SMC6: variants seen among roughly 807,000 people sequenced by gnomAD.
SMC6 encodes the protein structural maintenance of chromosomes 6, also known as structural maintenance of chromosomes protein 6.
A neutral mutation model predicts 142.2 loss-of-function variants in SMC6; 79 were observed. That is an observed-to-expected ratio of 0.56 (90% CI 0.46 to 0.67). The LOEUF (loss-of-function observed/expected upper bound fraction) is 0.67. Among genes scored for constraint, SMC6 ranks in the 30% least tolerant of loss-of-function variants. The probability of loss-of-function intolerance (pLI) is 0.00; values close to 1 mark genes in which losing one functional copy is unlikely to be tolerated. For missense variants in SMC6, 1,072 were observed against 1,284.0 expected (o/e 0.83, Z 2.52); for synonymous variants, 411 against 412.4 (o/e 1.00, Z 0.04).
At chr2:17,741,320 T>C (rs1572359639) in intron 4 of SMC6, among the ~76,000 whole-genome samples, 1 of 152,328 alleles carries the variant, frequency 6.6e-6, no homozygotes, top group East Asian at 1.9e-4. Flanking sequence ...GCTGCCTCAA[T>C]TGCAATGAGG....
At chr2:17,712,638 G>T (rs16983787) in intron 16 of SMC6, among the ~76,000 whole-genome samples, 10,009 of 152,210 alleles carry the variant, frequency 0.066, 749 homozygotes, top group African/African-American at 0.18. Context: ...CTAAATGACT[G>T]AAATGAGTCC....
chr2:17,751,566 G>T (rs12465611), intron 2 of SMC6, among the ~76,000 whole-genome samples: 80,690 of 151,974 alleles, frequency 0.53, 23,763 homozygotes, highest in African/African-American at 0.77. Context: ...AGTAGTAAAG[G>T]ATACTCTGCA....
intron 3 of SMC6, among the ~76,000 whole-genome samples, chr2:17,742,866 A>T (rs1558381097): frequency 6.6e-6 from 1 of 152,216 alleles, no homozygotes; most frequent in Non-Finnish European, 1.5e-5. Flanking sequence ...CAAGATACTG[A>T]CATTGACATA....
intron 8 of SMC6, among the ~76,000 whole-genome samples, chr2:17,725,771 T>C (rs1012469190): frequency 2.6e-5 from 4 of 152,272 alleles, no homozygotes; most frequent in East Asian, 3.9e-4. Flanking sequence ...TAGTCAAGTA[T>C]TTTGTTAGTT....
intron 26 of SMC6, 128 bp downstream of exon 26, chr2:17,670,295 A>C: frequency 4.2e-6 from 4 of 953,592 alleles, no homozygotes; most frequent in Non-Finnish European, 6.1e-6. Flanking sequence ...ACTACTGGTC[A>C]CAGACTAAAG....
intron 7 of SMC6, 129 bp downstream of exon 7, chr2:17,730,949 G>C (rs2125044741): frequency 1.4e-6 from 1 of 718,232 alleles, no homozygotes; most frequent in Middle Eastern, 3.7e-4. Context: ...ATTGATAATA[G>C]TTACACATAT....
chr2:17,674,399 A>G (rs531200224), intron 25 of SMC6, among the ~76,000 whole-genome samples: 1 of 152,294 alleles, frequency 6.6e-6, no homozygotes, highest in South Asian at 2.1e-4. Context: ...ATTCCACTTT[A>G]CAATATATTC....
At chr2:17,691,017 T>C (rs191317368) in intron 23 of SMC6, among the ~76,000 whole-genome samples, 64 of 151,532 alleles carry the variant, frequency 4.2e-4, no homozygotes, top group Admixed American at 2.6e-3. Flanking sequence ...GTTCCACCAT[T>C]TGCAACAACA....
chr2:17,722,637 T>C (rs988650588), intron 9 of SMC6, among the ~76,000 whole-genome samples: 4 of 152,180 alleles, frequency 2.6e-5, no homozygotes, highest in Non-Finnish European at 5.9e-5. Flanking sequence ...TAGTCATCTA[T>C]GAAGATTATG....
Position 17,716,733 on chromosome 2 carries a change from C to T in SMC6, c.1346+8G>A, listed in dbSNP as rs1490099617. The T allele has an allele frequency of 3.1e-6, 5 of 1,603,940 alleles. No homozygotes were observed. The highest frequency in any genetic ancestry group is 1.1e-5 in the South Asian group (1 of 88,512). On this transcript the variant is annotated splice_region_variant and intron_variant, in intron 14 of 27. Coordinates refer to ENST00000448223, the MANE Select transcript of SMC6 (RefSeq NM_001142286.2). ...GAAAAAAATCATTCTAAGGATGTTGCAACTTACTTAATTTTGCCATGTTCT... is the reference window on the plus strand; with the variant it reads ...GAAAAAAATCATTCTAAGGATGTTGTAACTTACTTAATTTTGCCATGTTCT...
At position 17,670,400 on chromosome 2, in the gene SMC6, G is replaced by C. The variant is rs749166881; in HGVS notation, c.3063+23C>G. Reference sequence around the variant, plus strand: ...TTCAAACAAACAAAAAAATGAAAAAGAGAATTTAAAATTTAACAATACCAT... The same window carrying C: ...TTCAAACAAACAAAAAAATGAAAAACAGAATTTAAAATTTAACAATACCAT... On this transcript the variant is annotated intron_variant, in intron 26 of 27. Coordinates refer to ENST00000448223, the MANE Select transcript of SMC6 (RefSeq NM_001142286.2). 29 of 1,587,794 alleles carry C rather than the reference G, an allele frequency of 1.8e-5. No individual in the cohort carries two copies. In the South Asian group the frequency reaches 3.1e-4, roughly 17 times the overall value.
chr2:17,716,356 G>T, intron 14 of SMC6, 92 bp from the exon 15 acceptor site: 1 of 1,203,198 alleles, frequency 8.3e-7, no homozygotes, highest in South Asian at 1.5e-5. Context: ...CCCAGTGAAC[G>T]ACCCAGCTAG....
At chr2:17,727,576 A>G (rs1558367726) in intron 7 of SMC6, among the ~76,000 whole-genome samples, 1 of 152,104 alleles carries the variant, frequency 6.6e-6, no homozygotes, top group Non-Finnish European at 1.5e-5. Flanking sequence ...GTTCCTCTAG[A>G]GAACCCTGAC....
At chr2:17,672,335 CAG>C (rs1364279623) in intron 25 of SMC6, among the ~76,000 whole-genome samples, 5 of 152,160 alleles carry the variant, frequency 3.3e-5, no homozygotes, top group Admixed American at 6.5e-5. Flanking sequence ...TTTTGAAAAA[CAG>C]AGATGACAAC....
Position 17,716,157 on chromosome 2 carries a change from G to T in SMC6, c.1454C>A (p.Pro485Gln), listed in dbSNP as rs1572319422. The T allele has an allele frequency of 1.9e-6, 3 of 1,611,996 alleles. No individual in the cohort carries two copies. In the East Asian group the frequency reaches 6.7e-5, roughly 36 times the overall value. ...ATCATCTATGGCTTCAAGAAGAGCTGGAACATTAGGGCCAAATCTTTTGAG... is the reference window on the plus strand; with the variant it reads ...ATCATCTATGGCTTCAAGAAGAGCTTGAACATTAGGGCCAAATCTTTTGAG... ...DRLKRFGPNV[P>Q]ALLEAIDDAY... The change falls in exon 15 of 28, where the codon CCA becomes CAA. Residue 485 changes from proline (P) to glutamine (Q), a missense_variant. Around this residue, in one of 3 missense-constraint regions of SMC6, gnomAD observed 994 missense variants for 1,153.2 expected, o/e 0.86. Transcript: ENST00000448223.
Position 17,731,078 on chromosome 2 carries a change from C to T in SMC6, c.543G>A (p.Gln181=). 1.9e-6 allele frequency: 3 copies of T among 1,609,832 alleles called. No homozygotes were observed. The highest frequency in any genetic ancestry group is 2.5e-6 in the Non-Finnish European group (3 of 1,177,176). Residue 181 remains glutamine (Q), a splice_region_variant and synonymous_variant, in exon 7 of 28, where the codon CAG becomes CAA. Transcript: ENST00000448223. ...TCTGAAACACAAATTCACCAATTAC[C>T]TGGATGTTAAAATGATCAAGAATTG... ...LIAILDHFNI[Q]VDNPVSVLTQ...
intron 2 of SMC6, among the ~76,000 whole-genome samples, chr2:17,751,495 A>AG (rs1671036240): frequency 6.6e-6 from 1 of 152,022 alleles, no homozygotes; most frequent in South Asian, 2.1e-4. Context: ...AGGAAAAAAA[A>AG]GAAAGAAAGA....
intron 2 of SMC6, among the ~76,000 whole-genome samples, chr2:17,748,659 T>G (rs763997396): frequency 9.9e-5 from 15 of 152,242 alleles, no homozygotes; most frequent in Non-Finnish European, 2.1e-4. Context: ...TTTCCAACAC[T>G]TTCTTCTCTG....
At chr2:17,748,268 T>C (rs937851630) in intron 2 of SMC6, among the ~76,000 whole-genome samples, 1 of 152,222 alleles carries the variant, frequency 6.6e-6, no homozygotes, top group Non-Finnish European at 1.5e-5. Flanking sequence ...TGAATCAGAA[T>C]CTTCACTTTA....
Sources: gnomAD v4.1 joint callset for allele counts (sites outside exome capture counted in the v4.1 genomes callset) on GRCh38, gnomAD v4.1.1 for gene constraint, gnomAD v4.1.1 regional missense constraint, MANE v1.5 for transcripts, NCBI Gene and HGNC (gene_info 2026-07-23, HGNC 2026-07-21) for gene names.